The following CPNE4 variants were observed in gnomAD, a reference collection of about 807,000 sequenced individuals.
CPNE4 encodes copine-4.
In CPNE4, 25 loss-of-function variants were observed where a neutral mutation model predicts 67.9. The observed-to-expected ratio is 0.37, with a 90% CI of 0.27 to 0.51. The LOEUF (loss-of-function observed/expected upper bound fraction) is 0.51, where lower values mean the gene tolerates loss of function less well. Among genes scored for constraint, CPNE4 ranks in the 20% least tolerant of loss-of-function variants. The pLI is 0.93. For missense variants in CPNE4, 464 were observed against 690.8 expected, an observed-to-expected ratio of 0.67 and a Z score of 3.68; for synonymous variants, 242 against 244.9, an observed-to-expected ratio of 0.99 and a Z score of 0.11.
Position 131,848,956 on chromosome 3 carries a change from C to CAAAAAAAAAAAAAAAA in CPNE4, c.180+56292_180+56307dup, listed in dbSNP as rs67407668. On this transcript the variant is annotated intron_variant, in intron 2 of 15. Coordinates refer to ENST00000429747, the MANE Select transcript of CPNE4 (RefSeq NM_130808.3). ...ACTGGTGGAATGACAGTAGTGATTA[C>CAAAAAAAAAAAAAAAA]AAAAAAAAAAAAAAAAAAAAAAAAA... 3.1e-4 allele frequency among the ~76,000 whole-genome samples: 25 copies of CAAAAAAAAAAAAAAAA among 79,630 alleles called. 4 individuals carry two copies. Among genetic ancestry groups the CAAAAAAAAAAAAAAAA allele is most frequent in the African/African-American group, 1.5e-3 (22 of 14,500 alleles). The allele number at this position is 79,630 out of a possible 152,430, so 52.2% of individuals were successfully genotyped here. A position where few individuals can be genotyped will look rare whatever the true frequency, so the allele number is the denominator to read the frequency against.
At chr3:131,682,974 A>G (rs1310028488) in intron 6 of CPNE4, among the ~76,000 whole-genome samples, 1 of 152,084 alleles carries the variant, frequency 6.6e-6, no homozygotes, top group African/African-American at 2.4e-5. Context: ...TCAGGGCCCA[A>G]ATATTCACTA....
intron 2 of CPNE4, among the ~76,000 whole-genome samples, chr3:131,817,763 A>C (rs980940804): frequency 2.6e-5 from 4 of 152,262 alleles, no homozygotes; most frequent in African/African-American, 9.6e-5. Context: ...TGTTCATGGC[A>C]GAAGTTACAG....
chr3:131,807,065 A>T (rs144762673), intron 2 of CPNE4, among the ~76,000 whole-genome samples: 32 of 152,322 alleles, frequency 2.1e-4, no homozygotes, highest in African/African-American at 7.2e-4. Context: ...GCCATAAATT[A>T]TTAGGAAATT....
chr3:131,727,313 G>A (rs547438747), intron 2 of CPNE4, among the ~76,000 whole-genome samples: 6 of 152,008 alleles, frequency 3.9e-5, no homozygotes, highest in South Asian at 4.2e-4. Flanking sequence ...TCTAAAACAC[G>A]GCCAGGCGCA....
chr3:131,688,880 G>T (rs1015795178), intron 5 of CPNE4, among the ~76,000 whole-genome samples: 1 of 151,878 alleles, frequency 6.6e-6, no homozygotes, highest in South Asian at 2.1e-4. Context: ...TAAAAATTTT[G>T]TAATCATGAT....
At chr3:131,870,772 T>C (rs1245086501) in intron 2 of CPNE4, among the ~76,000 whole-genome samples, 1 of 152,152 alleles carries the variant, frequency 6.6e-6, no homozygotes, top group East Asian at 1.9e-4. Flanking sequence ...AAGGTTTCTA[T>C]TTGGAATTCA....
chr3:131,892,436 G>T (rs1167377899), intron 2 of CPNE4, among the ~76,000 whole-genome samples: 1 of 152,034 alleles, frequency 6.6e-6, no homozygotes, highest in Non-Finnish European at 1.5e-5. Flanking sequence ...ATGCTTAAGG[G>T]CATGCTACAG....
chr3:131,683,113 C>T (rs1560108342), intron 6 of CPNE4, among the ~76,000 whole-genome samples: 1 of 152,110 alleles, frequency 6.6e-6, no homozygotes, highest in South Asian at 2.1e-4. Context: ...CCCAAGAGCC[C>T]AATTGCTGCT....
chr3:131,913,549 C>A (rs962233469), intron 1 of CPNE4, among the ~76,000 whole-genome samples: 1 of 152,204 alleles, frequency 6.6e-6, no homozygotes, highest in African/African-American at 2.4e-5. Context: ...ATATATAAAA[C>A]CCCAAGTCAA....
intron 2 of CPNE4, among the ~76,000 whole-genome samples, chr3:131,799,755 A>C (rs1170580758): frequency 2.6e-5 from 4 of 152,090 alleles, no homozygotes; most frequent in Non-Finnish European, 4.4e-5. Flanking sequence ...AGTGGCCTCC[A>C]TGTGCAGATT....
intron 7 of CPNE4, among the ~76,000 whole-genome samples, chr3:131,632,613 T>G (rs2079258629): frequency 6.6e-6 from 1 of 152,178 alleles, no homozygotes; most frequent in Non-Finnish European, 1.5e-5. Flanking sequence ...AATACTTGCC[T>G]TTCAGGACAT....
At chr3:132,022,729 A>T (rs913056035) in intron 1 of CPNE4, among the ~76,000 whole-genome samples, 6 of 152,166 alleles carry the variant, frequency 3.9e-5, no homozygotes, top group Non-Finnish European at 7.3e-5. Flanking sequence ...CTGGATAAAA[A>T]TTTTAAAAGT....
chr3:131,617,143 A>G (rs6439306), intron 7 of CPNE4, among the ~76,000 whole-genome samples: 22,985 of 152,190 alleles, frequency 0.15, 2,098 homozygotes, highest in African/African-American at 0.26. Flanking sequence ...CTTAGGAATC[A>G]TATCTTAGGT....
intron 7 of CPNE4, among the ~76,000 whole-genome samples, chr3:131,658,284 G>A (rs1357251193): frequency 2.0e-5 from 3 of 152,238 alleles, no homozygotes; most frequent in East Asian, 1.9e-4. Flanking sequence ...CCAGTGAGAC[G>A]GGGGACCCTG....
intron 1 of CPNE4, among the ~76,000 whole-genome samples, chr3:132,020,356 G>A (rs1360815714): frequency 6.6e-6 from 1 of 152,130 alleles, no homozygotes; most frequent in Non-Finnish European, 1.5e-5. Flanking sequence ...CTGAGGCTGG[G>A]GCTCTGCTCA....
intron 2 of CPNE4, among the ~76,000 whole-genome samples, chr3:131,843,796 G>A (rs866344419): frequency 3.9e-5 from 6 of 152,286 alleles, no homozygotes; most frequent in Middle Eastern, 3.4e-3. Context: ...CACTCTAGGG[G>A]CCTTGTCCCC....
At chr3:131,701,910 C>A (rs1182716854) in intron 3 of CPNE4, among the ~76,000 whole-genome samples, 2 of 151,998 alleles carry the variant, frequency 1.3e-5, no homozygotes, top group African/African-American at 4.8e-5. Flanking sequence ...TTTTTATTAG[C>A]AGAGAGCAAT....
intron 2 of CPNE4, among the ~76,000 whole-genome samples, chr3:131,777,962 GTA>G (rs1237473503): frequency 6.6e-6 from 1 of 152,086 alleles, no homozygotes; most frequent in Admixed American, 6.6e-5. Context: ...CACTGATTCT[GTA>G]TGATTCTGAC....
At chr3:131,897,154 T>C (rs567969236) in intron 2 of CPNE4, among the ~76,000 whole-genome samples, 1 of 152,246 alleles carries the variant, frequency 6.6e-6, no homozygotes, top group East Asian at 1.9e-4. Context: ...TTCGTTGGGT[T>C]ATTCTGCCTC....
Sources: allele counts gnomAD v4.1 joint callset (sites outside exome capture counted in the v4.1 genomes callset), GRCh38; gene constraint gnomAD v4.1.1; transcripts MANE v1.5; gene names NCBI Gene and HGNC (gene_info 2026-07-23, HGNC 2026-07-21).